SPAG16: variants seen among roughly 807,000 people sequenced by gnomAD.
The protein encoded by SPAG16 is sperm associated antigen 16, also known as sperm-associated antigen 16 protein.
Under a neutral mutation model 80.4 loss-of-function variants are expected in SPAG16, and 86 were observed. That is an observed-to-expected ratio of 1.07 (90% CI 0.90 to 1.28). The LOEUF (loss-of-function observed/expected upper bound fraction) is 1.28, where lower values mean the gene tolerates loss of function less well. SPAG16 is among the 50% of genes most tolerant of loss of function. The pLI is 0.00. For synonymous variants in SPAG16, 294 were observed against 265.9 expected, an observed-to-expected ratio of 1.11 and a Z score of -1.03; for missense variants, 870 against 765.3, an observed-to-expected ratio of 1.14 and a Z score of -1.61.
At chr2:213,304,460 T>C (rs1201433400) in intron 3 of SPAG16, among the ~76,000 whole-genome samples, 2 of 152,134 alleles carry the variant, frequency 1.3e-5, no homozygotes, top group Non-Finnish European at 2.9e-5. Flanking sequence ...CAGACCAGTG[T>C]CCTGAAGAGT....
chr2:213,609,070 A>G (rs1351229949), intron 10 of SPAG16, among the ~76,000 whole-genome samples: 6 of 152,232 alleles, frequency 3.9e-5, no homozygotes, highest in Non-Finnish European at 7.3e-5. Flanking sequence ...TAAAAATTAC[A>G]TAAGTCATTT....
At chr2:214,340,241 C>T (rs1161242828) in intron 15 of SPAG16, among the ~76,000 whole-genome samples, 1 of 152,164 alleles carries the variant, frequency 6.6e-6, no homozygotes, top group Non-Finnish European at 1.5e-5. Flanking sequence ...CTGCTCCAAC[C>T]TCTTACTCCA....
intron 9 of SPAG16, among the ~76,000 whole-genome samples, chr2:213,469,408 A>T (rs897433451): frequency 3.3e-5 from 5 of 152,180 alleles, no homozygotes; most frequent in Non-Finnish European, 7.4e-5. Flanking sequence ...GTACAGGTGT[A>T]TACATGCACA....
intron 10 of SPAG16, among the ~76,000 whole-genome samples, chr2:213,672,715 T>G (rs902980463): frequency 1.3e-5 from 2 of 152,186 alleles, no homozygotes; most frequent in African/African-American, 4.8e-5. Context: ...TATCACATTA[T>G]TGCCTCATCT....
intron 10 of SPAG16, among the ~76,000 whole-genome samples, chr2:213,662,571 A>AATATAATG (rs1559354484): frequency 6.6e-6 from 1 of 151,984 alleles, no homozygotes; most frequent in Non-Finnish European, 1.5e-5. Flanking sequence ...GGAATATAAT[A>AATATAATG]TGACATATTT....
chr2:213,835,268 A>G (rs1311243803), intron 10 of SPAG16, among the ~76,000 whole-genome samples: 1 of 152,162 alleles, frequency 6.6e-6, no homozygotes, highest in Non-Finnish European at 1.5e-5. Flanking sequence ...CATGTTCGTT[A>G]TGCCATTTAT....
intron 15 of SPAG16, among the ~76,000 whole-genome samples, chr2:214,236,043 C>T (rs191287277): frequency 1.3e-5 from 2 of 152,214 alleles, no homozygotes; most frequent in Admixed American, 1.3e-4. Flanking sequence ...ATGAAAGAAA[C>T]ATAGTAGGGG....
chr2:214,117,543 A>G (rs2053996469), intron 14 of SPAG16, among the ~76,000 whole-genome samples: 1 of 152,074 alleles, frequency 6.6e-6, no homozygotes, highest in Non-Finnish European at 1.5e-5. Flanking sequence ...CAAGGACCCA[A>G]CAACAACAAC....
intron 10 of SPAG16, among the ~76,000 whole-genome samples, chr2:213,724,725 C>T (rs949241733): frequency 1.6e-5 from 2 of 126,700 alleles, no homozygotes; most frequent in African/African-American, 2.9e-5. Context: ...TGCAGTGAGC[C>T]GAAAAAGCAC....
intron 10 of SPAG16, among the ~76,000 whole-genome samples, chr2:213,546,055 T>A (rs1251724727): frequency 6.6e-6 from 1 of 152,146 alleles, no homozygotes; most frequent in Non-Finnish European, 1.5e-5. Flanking sequence ...GGGGTCCAAG[T>A]GTTGAATTTT....
chr2:214,284,130 T>C (rs927872153), intron 15 of SPAG16, among the ~76,000 whole-genome samples: 1 of 152,172 alleles, frequency 6.6e-6, no homozygotes, highest in African/African-American at 2.4e-5. Flanking sequence ...AGCACCCCTC[T>C]TTTGGGGTGT....
At chr2:214,289,376 TGTTTAA>T (rs1693624809) in intron 15 of SPAG16, among the ~76,000 whole-genome samples, 2 of 152,114 alleles carry the variant, frequency 1.3e-5, no homozygotes, top group Admixed American at 1.3e-4. Context: ...CCAGGTCTAA[TGTTTAA>T]GTTTTTCATG....
intron 12 of SPAG16, among the ~76,000 whole-genome samples, chr2:213,977,916 T>C (rs2045502657): frequency 6.6e-6 from 1 of 152,068 alleles, no homozygotes; most frequent in Admixed American, 6.6e-5. Context: ...ATAAGCCTCT[T>C]CTCTACCCTC....
At chr2:214,033,361 T>C (rs773654971) in intron 13 of SPAG16, among the ~76,000 whole-genome samples, 6 of 152,194 alleles carry the variant, frequency 3.9e-5, no homozygotes, top group African/African-American at 7.2e-5. Flanking sequence ...AAAAGGGCAC[T>C]GGGTTTTTGG....
At chr2:213,305,860 A>G (rs551883559) in intron 3 of SPAG16, among the ~76,000 whole-genome samples, 10 of 152,134 alleles carry the variant, frequency 6.6e-5, no homozygotes, top group Non-Finnish European at 1.3e-4. Context: ...GGCCTCATAG[A>G]ATGAGTTTTG....
chr2:213,906,088 C>A (rs1344182111), intron 11 of SPAG16, among the ~76,000 whole-genome samples: 1 of 152,010 alleles, frequency 6.6e-6, no homozygotes, highest in African/African-American at 2.4e-5. Context: ...GTGCTTTGGC[C>A]TCTCATACTT....
At chr2:214,131,791 C>A (rs1189527402) in intron 14 of SPAG16, among the ~76,000 whole-genome samples, 1 of 152,036 alleles carries the variant, frequency 6.6e-6, no homozygotes, top group Non-Finnish European at 1.5e-5. Context: ...TCAGTGGTTG[C>A]CAGGGGCTGG....
chr2:214,108,477 A>ACCCCC (rs1230372065), intron 14 of SPAG16, among the ~76,000 whole-genome samples: 1 of 64,480 alleles, frequency 1.6e-5, no homozygotes, highest in Non-Finnish European at 3.6e-5. Context: ...ACACACACAC[A>ACCCCC]CACCCCCACA....
Position 214,410,163 on chromosome 2 carries a change from G to T in SPAG16, c.1744G>T (p.Gly582Cys). The T allele has an allele frequency of 6.2e-7, 1 of 1,613,898 alleles. No individual in the cohort carries two copies. The highest frequency in any genetic ancestry group is 8.5e-7 in the Non-Finnish European group (1 of 1,179,834). The change falls in exon 16 of 16, where the codon GGC (glycine) becomes TGC (cysteine). Residue 582 changes from glycine (G) to cysteine (C), a missense_variant. Coordinates refer to ENST00000331683, the MANE Select transcript of SPAG16 (RefSeq NM_024532.5). ...SSGRVLAQAS[G>C]NGVIHLLDLK... is the part of the protein sequence containing the mutation. ...AGGTCGAGTTTTAGCTCAGGCAAGT[G>T]GCAATGGTGTTATCCATTTGCTAGA...
Sources: gnomAD v4.1 joint callset for allele counts (sites outside exome capture counted in the v4.1 genomes callset) on GRCh38, gnomAD v4.1.1 for gene constraint, MANE v1.5 for transcripts, NCBI Gene and HGNC (gene_info 2026-07-23, HGNC 2026-07-21) for gene names.